The following SNRPD3 variants were observed in gnomAD, a reference collection of about 807,000 sequenced individuals.
SNRPD3 encodes the protein small nuclear ribonucleoprotein Sm D3.
For synonymous variants in SNRPD3, 66 were observed against 58.4 expected, an observed-to-expected ratio of 1.13 and a Z score of -0.59; for missense variants, 73 against 167.5, an observed-to-expected ratio of 0.44 and a Z score of 3.11.
chr22:24,570,606 C>G (rs1487541770), intron 3 of SNRPD3, among the ~76,000 whole-genome samples: 2 of 152,002 alleles, frequency 1.3e-5, no homozygotes, highest in African/African-American at 4.8e-5. Context: ...TCGCTTGAAC[C>G]CAGGAGGTGG....
chr22:24,569,147 T>C (rs1315560347), intron 3 of SNRPD3, among the ~76,000 whole-genome samples: 1 of 152,232 alleles, frequency 6.6e-6, no homozygotes, highest in Non-Finnish European at 1.5e-5. Context: ...CTGGGTCTTA[T>C]GGATGGACAC....
intron 2 of SNRPD3, 90 bp downstream of exon 2, chr22:24,557,890 G>T (rs900363350): frequency 1.5e-6 from 2 of 1,349,270 alleles, no homozygotes; most frequent in African/African-American, 1.5e-5. Context: ...TCTGGAAATT[G>T]TTCTCATTCA....
intron 2 of SNRPD3, among the ~76,000 whole-genome samples, chr22:24,558,549 A>G (rs1420225843): frequency 6.6e-6 from 1 of 152,152 alleles, no homozygotes; most frequent in African/African-American, 2.4e-5. Flanking sequence ...TGGGGGTGGT[A>G]TTATGTTGGG....
chr22:24,570,779 T>C (rs1459261569), intron 3 of SNRPD3, among the ~76,000 whole-genome samples: 1 of 152,018 alleles, frequency 6.6e-6, no homozygotes, highest in African/African-American at 2.4e-5. Flanking sequence ...GCTATTTATA[T>C]GGAGTGTGTT....
rs559651156 is a variant in SNRPD3 at position 24,560,891 on chromosome 22, C to G, written c.126+3091C>G. 3.2e-4 allele frequency among the ~76,000 whole-genome samples: 48 copies of G among 151,104 alleles called. No homozygotes were observed. The South Asian group carries it at 9.0e-3, about 28-fold the overall frequency. Reference sequence around the variant, plus strand: ...GTTATAGGCATGGGCCACCGTACCCCACTAATGTTAATATTTTTTGTATTT... The same window carrying G: ...GTTATAGGCATGGGCCACCGTACCCGACTAATGTTAATATTTTTTGTATTT... On this transcript the variant is annotated intron_variant, in intron 2 of 3. Coordinates refer to ENST00000215829, the MANE Select transcript of SNRPD3 (RefSeq NM_004175.5).
chr22:24,556,300 A>G (rs2045061943), intron 1 of SNRPD3, among the ~76,000 whole-genome samples: 2 of 152,016 alleles, frequency 1.3e-5, no homozygotes, highest in Non-Finnish European at 2.9e-5. Context: ...AGTGTTTTTC[A>G]AAGCTTCCAG....
chr22:24,559,907 G>A lies in SNRPD3; in HGVS notation c.126+2107G>A, dbSNP rs181321522. ...GTTGGCAAGGCTGGTTTCTTCTGAG[G>A]AATGTGAAGGAAGGATCTGTTTCAG... On this transcript the variant is annotated intron_variant, in intron 2 of 3. Coordinates refer to ENST00000215829, the MANE Select transcript of SNRPD3 (RefSeq NM_004175.5). 5.9e-5 allele frequency among the ~76,000 whole-genome samples: 9 copies of A among 152,052 alleles called. No homozygotes were observed. In the East Asian group the frequency reaches 1.7e-3, roughly 29 times the overall value.
At chr22:24,566,625 G>T (rs2045198962) in intron 2 of SNRPD3, among the ~76,000 whole-genome samples, 1 of 152,222 alleles carries the variant, frequency 6.6e-6, no homozygotes, top group African/African-American at 2.4e-5. Context: ...TTGAGGAAAA[G>T]AATGAATGAG....
At chr22:24,568,486 G>A (rs1017666165) in intron 3 of SNRPD3, among the ~76,000 whole-genome samples, 1 of 151,518 alleles carries the variant, frequency 6.6e-6, no homozygotes, top group African/African-American at 2.4e-5. Context: ...AGATTACAGT[G>A]CGCACTGCCC....
rs780341329 is a variant in SNRPD3 at position 24,557,773 on chromosome 22, T to G, written c.99T>G (p.Ile33Met). 1 of 1,610,186 alleles carries G rather than the reference T, an allele frequency of 6.2e-7. No homozygotes were observed. The highest frequency in any genetic ancestry group is 1.1e-5 in the South Asian group (1 of 90,238). ...GTGAGGTATATCGGGGGAAGCTCAT[T>G]GAAGCAGAGGACAACATGAACTGCC... ...NTGEVYRGKL[I>M]EAEDNMNCQM... The change falls in exon 2 of 4, where the codon ATT becomes ATG. Residue 33 changes from isoleucine (I) to methionine (M), a missense_variant. Physicochemically the swap from Ile to Met is conservative, Grantham distance 10. Coordinates refer to ENST00000215829, the MANE Select transcript of SNRPD3 (RefSeq NM_004175.5).
chr22:24,559,951 A>G (rs1441737463), intron 2 of SNRPD3, among the ~76,000 whole-genome samples: 1 of 152,054 alleles, frequency 6.6e-6, no homozygotes, highest in Non-Finnish European at 1.5e-5. Flanking sequence ...CCTTGCTTAT[A>G]TATGGCTCTC....
At chr22:24,566,995 C>G (rs993807371) in intron 2 of SNRPD3, among the ~76,000 whole-genome samples, 1 of 152,242 alleles carries the variant, frequency 6.6e-6, no homozygotes, top group African/African-American at 2.4e-5. Context: ...TTCGACTGCT[C>G]TGGTCCTCAC....
intron 3 of SNRPD3, among the ~76,000 whole-genome samples, chr22:24,570,380 TTTAAAGATGTAATA>T (rs2045238191): frequency 7.2e-5 from 11 of 152,210 alleles, no homozygotes; most frequent in Admixed American, 5.2e-4. Flanking sequence ...AAAGCTCAAG[TTTAAAGATGTAATA>T]GTGTGAGGGG....
chr22:24,561,406 A>G (rs896061506), intron 2 of SNRPD3, among the ~76,000 whole-genome samples: 10 of 152,112 alleles, frequency 6.6e-5, no homozygotes, highest in Non-Finnish European at 7.4e-5. Context: ...ATATGATCAC[A>G]TTCTGAGGTG....
At chr22:24,555,831 C>G (rs1010710518), upstream of SNRPD3, 4 of 1,544,366 alleles carry the variant, frequency 2.6e-6, no homozygotes, top group African/African-American at 2.7e-5. Flanking sequence ...GTCATCAGCC[C>G]TCTTTTCCGG....
At chr22:24,561,354 A>G (rs1161979638) in intron 2 of SNRPD3, among the ~76,000 whole-genome samples, 1 of 152,168 alleles carries the variant, frequency 6.6e-6, no homozygotes, top group Non-Finnish European at 1.5e-5. Context: ...AATTACAGGC[A>G]TGAGCCACCA....
At chr22:24,555,837 T>G, upstream of SNRPD3, 1 of 1,543,256 alleles carries the variant, frequency 6.5e-7, no homozygotes, top group African/African-American at 1.4e-5. Context: ...AGCCCTCTTT[T>G]CCGGTGCCGG....
rs5996718 is a variant in SNRPD3 at position 24,573,516 on chromosome 22, G to C, written c.*1539G>C. On this transcript the variant is annotated 3_prime_UTR_variant, in exon 4 of 4. Coordinates refer to ENST00000215829, the MANE Select transcript of SNRPD3 (RefSeq NM_004175.5). ...GCTTTGTCTTATGATACTACCTGGA[G>C]GTTACAGAGCTGGTATTCTGAGGAA... Among the ~76,000 whole-genome samples the C allele has an allele frequency of 9.2e-3, 1,398 of 152,324 alleles. 25 individuals are homozygous for C. Among genetic ancestry groups the C allele is most frequent in the African/African-American group, 0.031 (1,304 of 41,564 alleles).
intron 2 of SNRPD3, among the ~76,000 whole-genome samples, chr22:24,567,461 A>G (rs748436845): frequency 2.0e-5 from 3 of 152,008 alleles, no homozygotes; most frequent in Non-Finnish European, 4.4e-5. Context: ...AGATGGGAGC[A>G]CTCGGCTGGG....
Sources: gnomAD v4.1 joint callset for allele counts (sites outside exome capture counted in the v4.1 genomes callset) on GRCh38, gnomAD v4.1.1 for gene constraint, MANE v1.5 for transcripts, NCBI Gene and HGNC (gene_info 2026-07-23, HGNC 2026-07-21) for gene names.